Variants in FBXL17 observed in about 807,000 individuals in gnomAD.
FBXL17 encodes F-box/LRR-repeat protein 17.
A neutral mutation model predicts 66.2 loss-of-function variants in FBXL17; 22 were observed. The observed-to-expected ratio is 0.33, with a 90% CI of 0.24 to 0.47. FBXL17 has a LOEUF of 0.47. Among genes scored for constraint, FBXL17 ranks in the 20% least tolerant of loss-of-function variants. The pLI, the probability that FBXL17 is intolerant of heterozygous loss-of-function variation, is 1.00. For missense variants in FBXL17, 878 were observed against 948.2 expected (o/e 0.93, Z 0.97); for synonymous variants, 474 against 400.5 (o/e 1.18, Z -2.19).
chr5:108,279,553 G>GA (rs74272808), intron 4 of FBXL17, among the ~76,000 whole-genome samples: 164 of 137,938 alleles, frequency 1.2e-3, no homozygotes, highest in East Asian at 2.5e-3. Context: ...ACATCTTCAG[G>GA]AAAAAAAAAA....
At chr5:108,238,547 G>T (rs978095894) in intron 4 of FBXL17, among the ~76,000 whole-genome samples, 33 of 152,286 alleles carry the variant, frequency 2.2e-4, no homozygotes, top group African/African-American at 7.7e-4. Flanking sequence ...GTCTCATTCT[G>T]TCACCCAGGC....
rs564885526 is a variant in FBXL17, at chr5:108,028,590, C to T, written c.1746-7589G>A. ...TTGCAGTGACTAATTGCCTCTTTAA[C>T]CCCTGTGCTCTGGGAGTTGGCCTGT... On this transcript the variant is annotated intron_variant, in intron 6 of 8. Coordinates refer to ENST00000542267, the MANE Select transcript of FBXL17 (RefSeq NM_001163315.3). Among the ~76,000 whole-genome samples, 25 of 152,246 alleles carry T rather than the reference C, an allele frequency of 1.6e-4. 1 individual carries two copies. The highest frequency in any genetic ancestry group is 6.0e-4 in the African/African-American group (25 of 41,576).
At chr5:108,126,398 T>A (rs1016048869) in intron 6 of FBXL17, among the ~76,000 whole-genome samples, 5 of 152,014 alleles carry the variant, frequency 3.3e-5, no homozygotes, top group Admixed American at 2.0e-4. Flanking sequence ...TGCATTTTTT[T>A]AAAAATCACC....
intron 7 of FBXL17, among the ~76,000 whole-genome samples, chr5:108,002,468 C>T (rs911872269): frequency 6.6e-6 from 1 of 151,974 alleles, no homozygotes; most frequent in African/African-American, 2.4e-5. Context: ...AATACATAAC[C>T]GACTTAGTAA....
chr5:108,048,613 A>G (rs1747350526), intron 6 of FBXL17, among the ~76,000 whole-genome samples: 1 of 152,200 alleles, frequency 6.6e-6, no homozygotes, highest in Non-Finnish European at 1.5e-5. Context: ...AGAAACATAA[A>G]TGACCTGATG....
chr5:108,210,890 T>G (rs527396011), intron 5 of FBXL17, among the ~76,000 whole-genome samples: 1 of 152,194 alleles, frequency 6.6e-6, no homozygotes, highest in African/African-American at 2.4e-5. Context: ...CTCATTGATC[T>G]GTCTAATATT....
intron 6 of FBXL17, among the ~76,000 whole-genome samples, chr5:108,115,546 AGTG>A (rs1337526790): frequency 1.3e-5 from 2 of 152,012 alleles, no homozygotes; most frequent in African/African-American, 2.4e-5. Flanking sequence ...ACTAGATAGA[AGTG>A]GTCGTCAACA....
In FBXL17 at chr5:108,362,648, G is replaced by T. The variant is rs1030964457; in HGVS notation, c.1374+2090C>A. ...ACCAAAACCAGCCTGATTTTTTTAG[G>T]TGCTTCACCATGCTTAAGAAATATT... On this transcript the variant is annotated intron_variant, in intron 3 of 8. Transcript: ENST00000542267. Among the ~76,000 whole-genome samples, 9 of 152,058 alleles carry T rather than the reference G, an allele frequency of 5.9e-5. No homozygotes were observed. The East Asian group carries it at 1.5e-3, about 26-fold the overall frequency.
chr5:108,202,121 A>G (rs558186039), intron 5 of FBXL17, among the ~76,000 whole-genome samples: 37 of 152,242 alleles, frequency 2.4e-4, no homozygotes, highest in African/African-American at 7.9e-4. Flanking sequence ...TCTTCATTTT[A>G]TATTTATATG....
intron 6 of FBXL17, among the ~76,000 whole-genome samples, chr5:108,132,096 C>CAGGAGAAT (rs1750958332): frequency 6.6e-6 from 1 of 151,974 alleles, no homozygotes; most frequent in African/African-American, 2.4e-5. Context: ...CCTGCCTCAG[C>CAGGAGAAT]CTCCCTAGTA....
intron 6 of FBXL17, among the ~76,000 whole-genome samples, chr5:108,148,793 G>A (rs959230759): frequency 6.6e-6 from 1 of 152,142 alleles, no homozygotes; most frequent in African/African-American, 2.4e-5. Context: ...ATCCTCTACA[G>A]TAGCATATGT....
At chr5:108,236,855 T>A (rs1755627358) in intron 4 of FBXL17, among the ~76,000 whole-genome samples, 1 of 152,120 alleles carries the variant, frequency 6.6e-6, no homozygotes, top group Non-Finnish European at 1.5e-5. Flanking sequence ...CATAAAGTAA[T>A]CTCCTTAGAC....
rs1354947361 is a variant in FBXL17 at position 108,259,725 on chromosome 5, C to G, written c.1507-35497G>C. The stretch of plus-strand genomic sequence containing the variant: ...GCAAAACGAAAAGCAAAAGGAAGTC[C>G]CAAGGCAAAAGAATCACATAAGGAT... On this transcript the variant is annotated intron_variant, in intron 4 of 8. Coordinates refer to ENST00000542267, the MANE Select transcript of FBXL17 (RefSeq NM_001163315.3). Among the ~76,000 whole-genome samples, 5 of 151,800 alleles carry G rather than the reference C, an allele frequency of 3.3e-5. No individual in the cohort carries two copies. The East Asian group carries it at 9.7e-4, about 29-fold the overall frequency.
At chr5:108,144,038 A>G (rs1751465385) in intron 6 of FBXL17, among the ~76,000 whole-genome samples, 1 of 152,160 alleles carries the variant, frequency 6.6e-6, no homozygotes, top group Admixed American at 6.5e-5. Flanking sequence ...ATAGCAACTC[A>G]CATTTATATG....
chr5:108,324,740 A>ATGTG (rs10540114), intron 4 of FBXL17, among the ~76,000 whole-genome samples: 2 of 150,972 alleles, frequency 1.3e-5, no homozygotes, highest in African/African-American at 4.9e-5. Context: ...ATGTATATAT[A>ATGTG]TGTGTGTGTG....
chr5:107,934,864 T>G (rs1297291102), intron 7 of FBXL17, among the ~76,000 whole-genome samples: 1 of 152,154 alleles, frequency 6.6e-6, no homozygotes, highest in African/African-American at 2.4e-5. Flanking sequence ...TTAATGTACT[T>G]TGGAAAGAAT....
chr5:108,381,607 G>T lies in FBXL17; in HGVS notation c.85C>A (p.Pro29Thr). Residue 29 changes from proline (P) to threonine (T), a missense_variant, in exon 1 of 9, where the codon CCT (proline) becomes ACT (threonine). Physicochemically the swap from Pro to Thr is conservative, Grantham distance 38. Transcript: ENST00000542267. ...GTCCGGCGGGGCAGCCTGAGGAGAG[G>T]GCGCCGGCGGCGGCACCAACTGCAA... ...RCCSWCRRRR[P>T]LLRLPRRTPA... 2.0e-6 allele frequency: 3 copies of T among 1,481,570 alleles called. No homozygotes were observed. Among genetic ancestry groups the T allele is most frequent in the East Asian group, 2.9e-5 (1 of 34,786 alleles). The allele number at this position is 1,481,570 out of a possible 1,614,324, so 91.8% of individuals were successfully genotyped here.
At chr5:108,323,571 C>T (rs1204240809) in intron 4 of FBXL17, among the ~76,000 whole-genome samples, 1 of 151,918 alleles carries the variant, frequency 6.6e-6, no homozygotes, top group African/African-American at 2.4e-5. Context: ...ATCTGAAGGG[C>T]ATTTTTTGCA....
At chr5:107,885,671 A>T (rs994318230) in intron 7 of FBXL17, among the ~76,000 whole-genome samples, 1 of 152,212 alleles carries the variant, frequency 6.6e-6, no homozygotes, top group East Asian at 1.9e-4. Context: ...AAAAGAGTTT[A>T]TATGATGTGC....
Sources: allele counts gnomAD v4.1 joint callset (sites outside exome capture counted in the v4.1 genomes callset), GRCh38; gene constraint gnomAD v4.1.1; transcripts MANE v1.5; gene names NCBI Gene and HGNC (gene_info 2026-07-23, HGNC 2026-07-21).